Variants in ADAMTS5 observed in about 807,000 individuals in gnomAD.
ADAMTS5 encodes ADAM metallopeptidase with thrombospondin type 1 motif 5.
A neutral mutation model predicts 81.4 loss-of-function variants in ADAMTS5; 54 were observed. The observed-to-expected ratio is 0.66, with a 90% CI of 0.53 to 0.83. The LOEUF is 0.83. Ranked by LOEUF, ADAMTS5 falls within the 40% of genes least tolerant of loss-of-function variation. The probability of loss-of-function intolerance (pLI) is 0.00; values close to 1 mark genes in which losing one functional copy is unlikely to be tolerated. For missense variants in ADAMTS5, 1,194 were observed against 1,229.9 expected (o/e 0.97, Z 0.44); for synonymous variants, 532 against 508.8 (o/e 1.05, Z -0.61).
intron 6 of ADAMTS5, among the ~76,000 whole-genome samples, chr21:26,931,383 T>G (rs1986904067): frequency 6.6e-6 from 1 of 152,162 alleles, no homozygotes; most frequent in Non-Finnish European, 1.5e-5. Flanking sequence ...TACAAATTTG[T>G]AAATTGCTGT....
rs1600992574 is a variant in ADAMTS5, at chr21:26,918,448, A to G, written c.*5605T>C. 1.3e-5 allele frequency: 2 copies of G among 152,210 alleles called. No individual in the cohort carries two copies. Among genetic ancestry groups the G allele is most frequent in the Admixed American group, 6.6e-5 (1 of 15,264 alleles). The allele number at this position is 152,210 out of a possible 1,614,324, so 9.4% of individuals were successfully genotyped here. A position where few individuals can be genotyped will look rare whatever the true frequency, so the allele number is the denominator to read the frequency against. On this transcript the variant is annotated 3_prime_UTR_variant, in exon 8 of 8. Coordinates refer to ENST00000284987, the MANE Select transcript of ADAMTS5 (RefSeq NM_007038.5). ...TGCAATTGCTTCTATCAAATGCAAC[A>G]TATTTCTTCAGTCTATTTAGTTATC...
chr21:26,941,584 G>A (rs2123184437), intron 3 of ADAMTS5, among the ~76,000 whole-genome samples: 1 of 152,092 alleles, frequency 6.6e-6, no homozygotes, highest in East Asian at 1.9e-4. Context: ...ATTGTAATTA[G>A]CTGACCTAAT....
chr21:26,925,920 T>C (rs1179198959), intron 7 of ADAMTS5, among the ~76,000 whole-genome samples: 1 of 152,266 alleles, frequency 6.6e-6, no homozygotes, highest in Non-Finnish European at 1.5e-5. Context: ...ACTCGATTCA[T>C]TATTTTTATT....
chr21:26,929,656 T>C (rs1004245739), intron 7 of ADAMTS5, among the ~76,000 whole-genome samples: 3 of 152,208 alleles, frequency 2.0e-5, no homozygotes, highest in Non-Finnish European at 4.4e-5. Context: ...TTGATTCCCA[T>C]GGCTACTGCA....
intron 1 of ADAMTS5, among the ~76,000 whole-genome samples, chr21:26,955,684 T>G (rs905180045): frequency 6.6e-6 from 1 of 152,150 alleles, no homozygotes; most frequent in Non-Finnish European, 1.5e-5. Context: ...AGAGAAAATA[T>G]AAGCCGCAAC....
intron 2 of ADAMTS5, 114 bp downstream of exon 2, chr21:26,954,625 C>A (rs1987385243): frequency 6.8e-7 from 1 of 1,463,790 alleles, no homozygotes; most frequent in Non-Finnish European, 9.2e-7. Context: ...ATTTAATTCC[C>A]AGTGGTACAT....
intron 2 of ADAMTS5, among the ~76,000 whole-genome samples, chr21:26,946,712 G>T (rs1022734353): frequency 2.6e-5 from 4 of 151,994 alleles, no homozygotes; most frequent in Non-Finnish European, 5.9e-5. Flanking sequence ...GAGAAAATGT[G>T]TACAATGCCA....
intron 3 of ADAMTS5, among the ~76,000 whole-genome samples, chr21:26,937,505 T>C (rs1987035498): frequency 6.6e-6 from 1 of 152,250 alleles, no homozygotes; most frequent in African/African-American, 2.4e-5. Flanking sequence ...AATTTTTACA[T>C]TGAATTATGT....
chr21:26,954,842 G>GGT lies in ADAMTS5; in HGVS notation c.1132_1133dup (p.Leu379ProfsTer19). 6.2e-7 allele frequency: 1 copy of GGT among 1,613,904 alleles called. No homozygotes were observed. The highest frequency in any genetic ancestry group is 1.3e-5 in the African/African-American group (1 of 74,982). On this transcript the variant is annotated frameshift_variant, in exon 2 of 8. Transcript: ENST00000284987. LOFTEE classifies it high-confidence loss of function. The stretch of plus-strand genomic sequence containing the variant: ...TGGTCCCAACGTCTGCCATTCCCAG[G>GGT]GTGTCACATGAATGATGCCCACATA...
At chr21:26,957,196 C>A (rs1289242889) in intron 1 of ADAMTS5, among the ~76,000 whole-genome samples, 2 of 152,202 alleles carry the variant, frequency 1.3e-5, no homozygotes, top group Non-Finnish European at 2.9e-5. Flanking sequence ...AAGAATACAG[C>A]ATCTCGCATT....
chr21:26,946,383 G>A (rs1471316490), intron 2 of ADAMTS5, among the ~76,000 whole-genome samples: 3 of 152,060 alleles, frequency 2.0e-5, no homozygotes, highest in Admixed American at 1.3e-4. Flanking sequence ...CGGTAAAGAC[G>A]GCACGCTATG....
Position 26,943,367 on chromosome 21 carries a change from A to G in ADAMTS5, c.1405+13T>C. On this transcript the variant is annotated intron_variant, in intron 3 of 7. Coordinates refer to ENST00000284987, the MANE Select transcript of ADAMTS5 (RefSeq NM_007038.5). ...TTTGTTTCTCAGTCTGTGTTCTCCT[A>G]AATGATACATACCATGGCCATCATC... 6.2e-7 allele frequency: 1 copy of G among 1,606,566 alleles called. No individual in the cohort carries two copies. Among genetic ancestry groups the G allele is most frequent in the Non-Finnish European group, 8.5e-7 (1 of 1,177,056 alleles).
intron 1 of ADAMTS5, among the ~76,000 whole-genome samples, chr21:26,963,508 G>A (rs967703362): frequency 3.3e-5 from 5 of 151,246 alleles, no homozygotes; most frequent in African/African-American, 7.3e-5. Flanking sequence ...ACTCCTTGGC[G>A]CAGTATGCTT....
chr21:26,965,262 G>A (rs1475440333), intron 1 of ADAMTS5, 26 bp downstream of exon 1: 1 of 1,588,512 alleles, frequency 6.3e-7, no homozygotes. Context: ...TCAGCGCTGG[G>A]ACCCCCGCAT....
chr21:26,959,756 C>G (rs1014202493), intron 1 of ADAMTS5, among the ~76,000 whole-genome samples: 1 of 152,210 alleles, frequency 6.6e-6, no homozygotes, highest in Non-Finnish European at 1.5e-5. Flanking sequence ...CTCCTTCTCT[C>G]ACCTGTCACA....
At chr21:26,950,453 G>C (rs1436931497) in intron 2 of ADAMTS5, among the ~76,000 whole-genome samples, 2 of 152,186 alleles carry the variant, frequency 1.3e-5, no homozygotes, top group Non-Finnish European at 2.9e-5. Context: ...ACACATTCCT[G>C]CCTCCACTCG....
At position 26,924,175 on chromosome 21, in the gene ADAMTS5, AG is replaced by A; in HGVS notation, c.2670del (p.Cys891ValfsTer19). 1 of 1,614,198 alleles carries A rather than the reference AG, an allele frequency of 6.2e-7. No individual in the cohort carries two copies. Among genetic ancestry groups the A allele is most frequent in the Admixed American group, 1.7e-5 (1 of 60,028 alleles). ...GTTCTGGTGTGCCAACCTGTGTCAC[AG>A]GTCCTAGAGCAGGCGAGCCATGGGC... ...VTGPWLACSRTCDTGWHTRTV... is the reference protein window; with the variant it reads ...VTGPWLACSRXCDTGWHTRTV... On this transcript the variant is annotated frameshift_variant, in exon 8 of 8. Transcript: ENST00000284987. LOFTEE classifies it high-confidence loss of function.
At chr21:26,953,494 G>C (rs1234975977) in intron 2 of ADAMTS5, among the ~76,000 whole-genome samples, 1 of 152,118 alleles carries the variant, frequency 6.6e-6, no homozygotes, top group African/African-American at 2.4e-5. Flanking sequence ...CTGTACCTTG[G>C]ATTAGAAGTT....
chr21:26,932,807 G>T, intron 5 of ADAMTS5, 54 bp downstream of exon 5: 2 of 1,532,096 alleles, frequency 1.3e-6, no homozygotes, highest in Non-Finnish European at 1.8e-6. Flanking sequence ...ATTATTGCTA[G>T]AATACAAATG....
Sources: allele counts gnomAD v4.1 joint callset (sites outside exome capture counted in the v4.1 genomes callset), GRCh38; gene constraint gnomAD v4.1.1; transcripts MANE v1.5; gene names NCBI Gene and HGNC (gene_info 2026-07-23, HGNC 2026-07-21).